ROBO2: variants seen among roughly 807,000 people sequenced by gnomAD.
ROBO2 encodes roundabout guidance receptor 2, also known as roundabout homolog 2.
In ROBO2, 53 loss-of-function variants were observed where a neutral mutation model predicts 160.8. That is an observed-to-expected ratio of 0.33 (90% confidence interval 0.26 to 0.41). The LOEUF (loss-of-function observed/expected upper bound fraction) is 0.41, where lower values mean the gene tolerates loss of function less well. ROBO2 is among the 10% of genes least tolerant of loss of function. ROBO2 has a pLI of 1.00. For missense variants in ROBO2, 1,577 were observed against 1,722.4 expected (o/e 0.92, Z 1.49); for synonymous variants, 664 against 611.7 (o/e 1.09, Z -1.26).
Position 76,024,008 on chromosome 3 carries a change from T to C in ROBO2, c.109+86406T>C, listed in dbSNP as rs376695978. 4.6e-5 allele frequency among the ~76,000 whole-genome samples: 7 copies of C among 151,626 alleles called. No individual in the cohort carries two copies. In the East Asian group the frequency reaches 7.7e-4, roughly 17 times the overall value. ...CTTCCAATTTTATGTCTAGATAATA[T>C]ATATTTCATAGGTTTTATATAAAAA... On this transcript the variant is annotated intron_variant, in intron 2 of 26. Transcript: ENST00000487694.
chr3:75,956,353 G>A (rs4087713), intron 2 of ROBO2, among the ~76,000 whole-genome samples: 142,562 of 151,526 alleles, frequency 0.94, 67,523 homozygotes, highest in Non-Finnish European at 1. Flanking sequence ...CTTACCTCTC[G>A]TCAAAATTCA....
intron 2 of ROBO2, among the ~76,000 whole-genome samples, chr3:76,456,379 C>T (rs924701853): frequency 1.3e-5 from 2 of 152,152 alleles, no homozygotes; most frequent in Non-Finnish European, 2.9e-5. Context: ...ATTCCAGTTG[C>T]ATATGTTATT....
At chr3:77,380,822 G>A (rs1479641645) in intron 2 of ROBO2, among the ~76,000 whole-genome samples, 2 of 151,688 alleles carry the variant, frequency 1.3e-5, no homozygotes, top group Non-Finnish European at 2.9e-5. Context: ...CCGCTGATTA[G>A]CGCTGTCTCA....
intron 2 of ROBO2, among the ~76,000 whole-genome samples, chr3:77,006,844 A>G (rs1426291475): frequency 1.3e-5 from 2 of 152,104 alleles, no homozygotes. Flanking sequence ...AAAGTTAAAA[A>G]CTGCTCAATA....
chr3:76,351,049 A>T (rs1225272677), intron 2 of ROBO2, among the ~76,000 whole-genome samples: 1 of 151,890 alleles, frequency 6.6e-6, no homozygotes, highest in East Asian at 1.9e-4. Flanking sequence ...GTTTTACTAG[A>T]TATGTTTTTA....
At position 77,398,591 on chromosome 3, in the gene ROBO2, TA is replaced by T. The variant is rs757777921; in HGVS notation, c.389-78822del. ...CCTCTTTTTTCTTTGTATTTTAATTTATTTTTTTTAGAGACAGTCTCACTCT... is the reference window on the plus strand; with the variant it reads ...CCTCTTTTTTCTTTGTATTTTAATTTTTTTTTTTAGAGACAGTCTCACTCT... On this transcript the variant is annotated intron_variant, in intron 2 of 25. Coordinates refer to ENST00000461745, the Ensembl canonical transcript of ROBO2. Among the ~76,000 whole-genome samples the T allele has an allele frequency of 1.7e-3, 258 of 152,210 alleles. 2 individuals carry two copies. The highest frequency in any genetic ancestry group is 2.5e-3 in the Non-Finnish European group (173 of 68,018).
exon 26 of ROBO2, chr3:77,646,089 G>A: frequency 6.4e-7 from 1 of 1,570,862 alleles, no homozygotes; most frequent in Non-Finnish European, 8.7e-7. Context: ...CTGCTCTGAA[G>A]GACCATCAGG....
At chr3:77,387,898 T>C (rs1006138550) in intron 2 of ROBO2, among the ~76,000 whole-genome samples, 5 of 152,100 alleles carry the variant, frequency 3.3e-5, no homozygotes, top group African/African-American at 1.2e-4. Context: ...CATCCTGCTT[T>C]TCCCCTTCAA....
intron 2 of ROBO2, among the ~76,000 whole-genome samples, chr3:76,831,214 T>C (rs2067066288): frequency 6.6e-6 from 1 of 152,126 alleles, no homozygotes; most frequent in African/African-American, 2.4e-5. Flanking sequence ...TCCTGATGGG[T>C]CCATACGAGT....
chr3:77,328,803 T>C (rs962032457), intron 2 of ROBO2, among the ~76,000 whole-genome samples: 1 of 152,192 alleles, frequency 6.6e-6, no homozygotes, highest in Non-Finnish European at 1.5e-5. Context: ...TTCTTGGTCT[T>C]TGGCATGCCT....
At chr3:76,302,084 T>G (rs1709387642) in intron 2 of ROBO2, among the ~76,000 whole-genome samples, 1 of 152,018 alleles carries the variant, frequency 6.6e-6, no homozygotes, top group Non-Finnish European at 1.5e-5. Context: ...AAATTATTAT[T>G]TATATTGTAG....
intron 2 of ROBO2, among the ~76,000 whole-genome samples, chr3:76,555,425 G>GAAGAAGAAGAAGAGGAAGAAGAAGAA (rs1399867100): frequency 1.5e-5 from 1 of 68,472 alleles, no homozygotes; most frequent in East Asian, 6.2e-4. Context: ...AAGAAAGAAG[G>GAAGAAGAAGAAGAGGAAGAAGAAGAA]AGAAGGGGAA....
intron 2 of ROBO2, chr3:76,434,124 T>G (rs2076560315): frequency 2.4e-6 from 3 of 1,234,222 alleles, no homozygotes; most frequent in Admixed American, 1.7e-5. Flanking sequence ...GACAGCTCCA[T>G]ATGTGCAAGC....
At chr3:76,725,540 C>T (rs1451251809) in intron 2 of ROBO2, among the ~76,000 whole-genome samples, 4 of 152,182 alleles carry the variant, frequency 2.6e-5, no homozygotes, top group Admixed American at 1.3e-4. Flanking sequence ...AGATCAAAAT[C>T]TGCTATATGT....
intron 2 of ROBO2, among the ~76,000 whole-genome samples, chr3:76,612,716 A>T (rs2088230036): frequency 6.6e-6 from 1 of 152,128 alleles, no homozygotes; most frequent in Non-Finnish European, 1.5e-5. Flanking sequence ...GTAAAATTAA[A>T]AATAATAATA....
At chr3:77,377,508 A>G (rs2072851532) in intron 2 of ROBO2, among the ~76,000 whole-genome samples, 2 of 152,218 alleles carry the variant, frequency 1.3e-5, no homozygotes, top group Non-Finnish European at 2.9e-5. Flanking sequence ...CTTTATAACT[A>G]GATAAGCATT....
intron 13 of ROBO2, among the ~76,000 whole-genome samples, chr3:77,573,455 A>T (rs1028537688): frequency 4.6e-5 from 7 of 152,048 alleles, no homozygotes; most frequent in African/African-American, 1.7e-4. Context: ...ATTATTATTT[A>T]AAATAGCTTC....
chr3:77,555,766 C>T (rs1215802976), intron 8 of ROBO2, among the ~76,000 whole-genome samples: 3 of 151,776 alleles, frequency 2.0e-5, no homozygotes, highest in African/African-American at 7.3e-5. Flanking sequence ...GAGAGAAAAC[C>T]GTGGAGTTGT....
chr3:77,185,355 T>C (rs567488929), intron 2 of ROBO2, among the ~76,000 whole-genome samples: 1 of 151,900 alleles, frequency 6.6e-6, no homozygotes, highest in Non-Finnish European at 1.5e-5. Context: ...GAGCAGGTTT[T>C]TAGTGAATGA....
Sources: allele counts gnomAD v4.1 joint callset (sites outside exome capture counted in the v4.1 genomes callset), GRCh38; gene constraint gnomAD v4.1.1; transcripts MANE v1.5; gene names NCBI Gene and HGNC (gene_info 2026-07-23, HGNC 2026-07-21).